PLEKHM2: variants seen among roughly 807,000 people sequenced by gnomAD.
PLEKHM2 encodes the protein pleckstrin homology and RUN domain containing M2.
A neutral mutation model predicts 116.3 loss-of-function variants in PLEKHM2; 77 were observed. The ratio of observed to expected loss-of-function variants is 0.66; its 90% CI spans 0.55 to 0.80. PLEKHM2 has a LOEUF of 0.80. PLEKHM2 is among the 30% of genes least tolerant of loss of function. The probability of loss-of-function intolerance (pLI) is 0.00; values close to 1 mark genes in which losing one functional copy is unlikely to be tolerated. For missense variants in PLEKHM2, 1,183 were observed against 1,354.9 expected (o/e 0.87, Z 1.99); for synonymous variants, 562 against 571.0 (o/e 0.98, Z 0.22).
intron 1 of PLEKHM2, among the ~76,000 whole-genome samples, chr1:15,714,792 GT>G (rs1242427483): frequency 6.6e-6 from 1 of 152,208 alleles, no homozygotes; most frequent in African/African-American, 2.4e-5. Flanking sequence ...CTCTTGTCTT[GT>G]GTTCCACTCC....
At chr1:15,715,167 T>A (rs1641419736) in intron 1 of PLEKHM2, among the ~76,000 whole-genome samples, 1 of 117,202 alleles carries the variant, frequency 8.5e-6, no homozygotes. Flanking sequence ...TCAAGAAGGC[T>A]GGCAAGAAGG....
At chr1:15,701,307 C>T (rs958341035) in intron 1 of PLEKHM2, among the ~76,000 whole-genome samples, 2 of 150,706 alleles carry the variant, frequency 1.3e-5, no homozygotes, top group African/African-American at 4.9e-5. Context: ...GTGGCAGGTG[C>T]CTGTAATCCC....
chr1:15,717,004 G>C (rs532107325), intron 3 of PLEKHM2, among the ~76,000 whole-genome samples, 188 bp downstream of exon 3: 143 of 152,354 alleles, frequency 9.4e-4, no homozygotes, highest in African/African-American at 3.4e-3. Context: ...TGTAATCCCA[G>C]CATTTTGGGA....
chr1:15,732,683 C>A lies in PLEKHM2; in HGVS notation c.2877C>A (p.Asp959Glu), dbSNP rs1261961532. 1 of 1,610,670 alleles carries A rather than the reference C, an allele frequency of 6.2e-7. No homozygotes were observed. Among genetic ancestry groups the A allele is most frequent in the African/African-American group, 1.3e-5 (1 of 74,860 alleles). ...VIYLSCTSELDRLLSALNSGW... is the reference protein window; with the variant it reads ...VIYLSCTSELERLLSALNSGW... ...ACCTGAGCTGCACTTCTGAACTGGACCGATTGCTGTCTGCACTGAACTCTG... is the reference window on the plus strand; with the variant it reads ...ACCTGAGCTGCACTTCTGAACTGGAACGATTGCTGTCTGCACTGAACTCTG... Residue 959 changes from aspartate (D) to glutamate (E), a missense_variant, in exon 19 of 20, where the codon GAC (aspartate) becomes GAA (glutamate). Asp to Glu is a conservative substitution (Grantham distance 45). Coordinates refer to ENST00000375799, the MANE Select transcript of PLEKHM2 (RefSeq NM_015164.4).
rs1394933568 is a variant in PLEKHM2, at chr1:15,731,182, G to A, written c.2400-10G>A. 6.3e-6 allele frequency: 10 copies of A among 1,587,696 alleles called. No homozygotes were observed. Among genetic ancestry groups the A allele is most frequent in the Non-Finnish European group, 8.6e-6 (10 of 1,165,978 alleles). ...ACAGGCCTCACTCGCCCTGTGTTGT[G>A]CCCCTGCAGCAACGGGATCCTCTAC... On this transcript the variant is annotated splice_polypyrimidine_tract_variant and intron_variant, in intron 15 of 19. Transcript: ENST00000375799.
intron 1 of PLEKHM2, among the ~76,000 whole-genome samples, chr1:15,692,681 TCTCA>T (rs1333437712): frequency 2.6e-5 from 4 of 151,858 alleles, no homozygotes; most frequent in Admixed American, 2.6e-4. Context: ...CAAGCCTTCC[TCTCA>T]CTCCAGCCTC....
In PLEKHM2 at chr1:15,725,624, G is replaced by A. The variant is rs994406134; in HGVS notation, c.941+79G>A. ...ACTCCCAGCATCAGCTGTTCATCCA[G>A]GGCAGACCGGGACACCCCCTGAGGG... On this transcript the variant is annotated intron_variant, in intron 8 of 19. Coordinates refer to ENST00000375799, the MANE Select transcript of PLEKHM2 (RefSeq NM_015164.4). 108 of 1,038,494 alleles carry A rather than the reference G, an allele frequency of 1.0e-4. 1 individual carries two copies. The African/African-American group carries it at 1.7e-3, about 16-fold the overall frequency. The allele number at this position is 1,038,494 out of a possible 1,614,324, so 64.3% of individuals were successfully genotyped here.
Position 15,725,323 on chromosome 1 carries a change from A to G in PLEKHM2, c.719A>G (p.Asp240Gly), listed in dbSNP as rs772940911. 6.5e-7 allele frequency: 1 copy of G among 1,550,282 alleles called. No homozygotes were observed. The highest frequency in any genetic ancestry group is 1.2e-5 in the South Asian group (1 of 84,038). ...SVPSTDWEDG[D>G]LTDTVSGPRS... ...TGCTTCCTTGTCCTCCCAGATGGAG[A>G]CCTCACAGACACGGTCAGTGGTCCC... Residue 240 changes from aspartate (D) to glycine (G), a missense_variant, in exon 8 of 20, where the codon GAC becomes GGC. Coordinates refer to ENST00000375799, the MANE Select transcript of PLEKHM2 (RefSeq NM_015164.4).
chr1:15,682,872 C>G (rs898379874), upstream of PLEKHM2: 3 of 152,172 alleles, frequency 2.0e-5, no homozygotes, highest in South Asian at 2.1e-4. Flanking sequence ...AGGGACTAAT[C>G]TATGTGTCAG....
chr1:15,693,824 G>T (rs377138857), intron 1 of PLEKHM2, among the ~76,000 whole-genome samples: 13 of 152,196 alleles, frequency 8.5e-5, no homozygotes, highest in African/African-American at 2.9e-4. Context: ...GGCAAGAGCT[G>T]GTGTTCAGTT....
chr1:15,684,697 G>GGCGACCCTGCTTCCGCAGGGACTC (rs369410677), intron 1 of PLEKHM2, 79 bp downstream of exon 1: 1 of 794,354 alleles, frequency 1.3e-6, no homozygotes, highest in African/African-American at 1.9e-5. Context: ...CTCCCGGGCC[G>GGCGACCCTGCTTCCGCAGGGACTC]GGGCCCCCCG....
At chr1:15,723,893 C>T (rs539130506) in intron 7 of PLEKHM2, among the ~76,000 whole-genome samples, 5 of 152,188 alleles carry the variant, frequency 3.3e-5, no homozygotes, top group Non-Finnish European at 7.3e-5. Flanking sequence ...GGGCAGACAG[C>T]GGCCAGCAAG....
intron 1 of PLEKHM2, among the ~76,000 whole-genome samples, chr1:15,705,676 C>T (rs1204833170): frequency 6.6e-6 from 1 of 152,218 alleles, no homozygotes. Context: ...CTGACCCCTT[C>T]TCCTGTCCTC....
At chr1:15,731,059 G>T in intron 15 of PLEKHM2, 133 bp from the exon 16 acceptor site, 1 of 705,282 alleles carries the variant, frequency 1.4e-6, no homozygotes. Flanking sequence ...TTCCGTAGAT[G>T]ACAGCCCCTG....
At position 15,727,244 on chromosome 1, in the gene PLEKHM2, C is replaced by G. The variant is rs764775012; in HGVS notation, c.1172C>G (p.Pro391Arg). 1 of 1,604,394 alleles carries G rather than the reference C, an allele frequency of 6.2e-7. No individual in the cohort carries two copies. The highest frequency in any genetic ancestry group is 8.5e-7 in the Non-Finnish European group (1 of 1,176,578). Residue 391 changes from proline (P) to arginine (R), a missense_variant, in exon 9 of 20, where the codon CCG becomes CGG. Pro to Arg is a moderately radical substitution (Grantham distance 103). This residue lies in a region of PLEKHM2 where 372 missense variants were observed against 357.2 expected (regional missense o/e 1.04). Transcript: ENST00000375799. This position sits in a 1 kb window ranked among gnomAD's most constrained non-coding sequence, Gnocchi z 7.5. The stretch of plus-strand genomic sequence containing the variant: ...ACGGAGAGCAGCGAGCGCTCCGAGC[C>G]GGGCCTGCTGATCCCTGAGATGAAG... ...STTESSERSE[P>R]GLLIPEMKDT...
At position 15,728,107 on chromosome 1, in the gene PLEKHM2, A is replaced by G. The variant is rs776732191; in HGVS notation, c.1789A>G (p.Met597Val). Residue 597 changes from methionine (M) to valine (V), a missense_variant, in exon 10 of 20, where the codon ATG becomes GTG. Met to Val is a conservative substitution (Grantham distance 21). Transcript: ENST00000375799. The surrounding 1 kb of genome is among the most constrained non-coding windows in gnomAD (Gnocchi z 5.9). ...RVDNNHLLLLMIHVFRENEEQ... is the reference protein window; with the variant it reads ...RVDNNHLLLLVIHVFRENEEQ... ...AGACAACAATCACCTGCTCCTGCTC[A>G]TGATCCACGTGTTCCGAGAAAACGA... 21 of 1,611,412 alleles carry G rather than the reference A, an allele frequency of 1.3e-5. No homozygotes were observed. Among genetic ancestry groups the G allele is most frequent in the South Asian group, 9.9e-5 (9 of 90,476 alleles).
intron 1 of PLEKHM2, among the ~76,000 whole-genome samples, chr1:15,711,016 T>C (rs1348850566): frequency 1.3e-5 from 2 of 150,958 alleles, no homozygotes; most frequent in African/African-American, 4.9e-5. Flanking sequence ...CCTTACCTCA[T>C]GCCATATATA....
chr1:15,711,885 G>A (rs528044783), intron 1 of PLEKHM2, among the ~76,000 whole-genome samples: 6 of 152,184 alleles, frequency 3.9e-5, no homozygotes, highest in Admixed American at 1.3e-4. Flanking sequence ...TTGGGAGGCT[G>A]AGGCGGGTGG....
Position 15,719,487 on chromosome 1 carries a change from A to G in PLEKHM2, c.466-247A>G, listed in dbSNP as rs1396356536. ...TAAATAAATAGAGAGAGAGAGAGAT[A>G]GCGGGGGCATCAAAGGGTGTAGCTG... On this transcript the variant is annotated intron_variant, in intron 5 of 19. Transcript: ENST00000375799. The surrounding 1 kb of genome is among the most constrained non-coding windows in gnomAD (Gnocchi z 4.1). Among the ~76,000 whole-genome samples the G allele has an allele frequency of 6.6e-6, 1 of 151,978 alleles. No homozygotes were observed.
Sources: allele counts gnomAD v4.1 joint callset (sites outside exome capture counted in the v4.1 genomes callset), GRCh38; gene constraint gnomAD v4.1.1; regional missense constraint gnomAD v4.1.1; non-coding constraint Gnocchi (gnomAD v3.1); transcripts MANE v1.5; gene names NCBI Gene and HGNC (gene_info 2026-07-23, HGNC 2026-07-21).